SBNO2: variants seen among roughly 807,000 people sequenced by gnomAD.
The protein encoded by SBNO2 is strawberry notch homolog 2.
Under a neutral mutation model 146.3 loss-of-function variants are expected in SBNO2, and 89 were observed. The observed-to-expected ratio is 0.61, with a 90% CI of 0.51 to 0.73. The LOEUF (loss-of-function observed/expected upper bound fraction) is 0.73. Ranked by LOEUF, SBNO2 falls within the 30% of genes least tolerant of loss-of-function variation. SBNO2 has a pLI of 0.00. For synonymous variants in SBNO2, 1,147 were observed against 892.6 expected, an observed-to-expected ratio of 1.29 and a Z score of -5.08; for missense variants, 2,092 against 2,003.7, an observed-to-expected ratio of 1.04 and a Z score of -0.84.
intron 1 of SBNO2, among the ~76,000 whole-genome samples, chr19:1,166,521 G>A (rs1599886910): frequency 6.6e-6 from 1 of 152,036 alleles, no homozygotes; most frequent in Non-Finnish European, 1.5e-5. Flanking sequence ...GGGCCAGTGC[G>A]GTGGCCCGTG....
chr19:1,128,158 AAG>A (rs753209127), intron 4 of SBNO2: 35 of 473,634 alleles, frequency 7.4e-5, no homozygotes, highest in Non-Finnish European at 1.4e-4. Context: ...AAAAATAAAC[AAG>A]CAATGGGTGA....
intron 14 of SBNO2, among the ~76,000 whole-genome samples, chr19:1,118,068 G>A (rs1012363010): frequency 3.9e-5 from 6 of 152,258 alleles, no homozygotes; most frequent in Non-Finnish European, 8.8e-5. Context: ...GGGTGTGGTG[G>A]CTCACGCCTG....
rs1450768956 is a variant in SBNO2 at position 1,110,547 on chromosome 19, G to A, written c.3028+198C>T. ...CACCCACAATGCACGGTGTTCCCACGAGCCCCGAGCCCACCTGGGATGCCC... is the reference window on the plus strand; with the variant it reads ...CACCCACAATGCACGGTGTTCCCACAAGCCCCGAGCCCACCTGGGATGCCC... On this transcript the variant is annotated intron_variant, in intron 26 of 31. Transcript: ENST00000361757. The surrounding 1 kb of genome is among the most constrained non-coding windows in gnomAD (Gnocchi z 4.9). Among the ~76,000 whole-genome samples the A allele has an allele frequency of 2.9e-5, 4 of 137,026 alleles. No individual in the cohort carries two copies. Among genetic ancestry groups the A allele is most frequent in the Non-Finnish European group, 5.0e-5 (3 of 60,584 alleles). 89.9% of individuals were successfully genotyped at this position (137,026 alleles called of 152,430 possible). A position where few individuals can be genotyped will look rare whatever the true frequency, so the allele number is the denominator to read the frequency against.
At chr19:1,135,823 G>A (rs532102030) in intron 4 of SBNO2, among the ~76,000 whole-genome samples, 8 of 152,180 alleles carry the variant, frequency 5.3e-5, no homozygotes, top group South Asian at 4.1e-4. Context: ...CCAGGTGGTC[G>A]TGGGGCACAG....
At position 1,126,356 on chromosome 19, in the gene SBNO2, G is replaced by A. The variant is rs540877539; in HGVS notation, c.441+1248C>T. 2.6e-5 allele frequency among the ~76,000 whole-genome samples: 4 copies of A among 152,212 alleles called. No homozygotes were observed. In the East Asian group the frequency reaches 5.8e-4, roughly 22 times the overall value. ...AGTCACCATTCCCGGTGGGGCTGGC[G>A]GGCATTGGGTTTCAGATGCCCTCGT... On this transcript the variant is annotated intron_variant, in intron 5 of 31. Transcript: ENST00000361757. The surrounding 1 kb of genome is among the most constrained non-coding windows in gnomAD (Gnocchi z 4.4).
chr19:1,162,771 G>A (rs1006587728), intron 1 of SBNO2, among the ~76,000 whole-genome samples: 1 of 152,182 alleles, frequency 6.6e-6, no homozygotes, highest in Non-Finnish European at 1.5e-5. Flanking sequence ...GGAACCTGAC[G>A]CTGGTTTCCC....
In SBNO2 at chr19:1,112,254, G is replaced by C. The variant is rs777077360; in HGVS notation, c.2563C>G (p.Leu855Val). 1.3e-6 allele frequency: 2 copies of C among 1,593,472 alleles called. No individual in the cohort carries two copies. The highest frequency in any genetic ancestry group is 1.3e-5 in the African/African-American group (1 of 74,666). Residue 855 changes from leucine (L) to valine (V), a missense_variant, in exon 22 of 32, where the codon CTC becomes GTC. By Grantham distance (32) the Leu-to-Val change is conservative (BLOSUM62 1). Coordinates refer to ENST00000361757, the MANE Select transcript of SBNO2 (RefSeq NM_014963.3). The surrounding 1 kb of genome is among the most constrained non-coding windows in gnomAD (Gnocchi z 5.9). The part of the protein sequence containing the change: ...NQVSAPEYVF[L>V]ISELAGERRF... ...CGCTCCCCGGCCAGCTCCGAGATGA[G>C]GAAGACATACTCTGGCGCGGAGACC...
chr19:1,107,961 A>G lies in SBNO2; in HGVS notation c.*259T>C. On this transcript the variant is annotated 3_prime_UTR_variant, in exon 32 of 32. Coordinates refer to ENST00000361757, the MANE Select transcript of SBNO2 (RefSeq NM_014963.3). ...TGAGCCCTTGTGGGTGCCCAGTCCC[A>G]GAGCAGCCACCCGGAGCCCCTTCCT... 1 of 287,360 alleles carries G rather than the reference A, an allele frequency of 3.5e-6. No homozygotes were observed. Among genetic ancestry groups the G allele is most frequent in the Non-Finnish European group, 6.5e-6 (1 of 152,894 alleles). 17.8% of individuals were successfully genotyped at this position (287,360 alleles called of 1,614,324 possible).
At chr19:1,151,887 T>G (rs959824470) in intron 2 of SBNO2, among the ~76,000 whole-genome samples, 9 of 152,210 alleles carry the variant, frequency 5.9e-5, no homozygotes, top group Admixed American at 2.6e-4. Flanking sequence ...GGTCTCGAAC[T>G]CCTGACCCCA....
In SBNO2 at chr19:1,109,179, C is replaced by G; in HGVS notation, c.3381G>C (p.Glu1127Asp). Residue 1127 changes from glutamate to aspartate, a missense_variant, in exon 30 of 32, where the codon GAG becomes GAC. By Grantham distance (45) the Glu-to-Asp change is conservative. Transcript: ENST00000361757. This position sits in a 1 kb window ranked among gnomAD's most constrained non-coding sequence, Gnocchi z 4.2. ...VTAEEAKEPW[E>D]SGYALSLTHC... ...GCGTCAGCGACAAAGCGTAGCCACT[C>G]TCCCAGGGCTCCTTGGCCTCCTCCG... 6.4e-7 allele frequency: 1 copy of G among 1,561,154 alleles called. No individual in the cohort carries two copies. The highest frequency in any genetic ancestry group is 1.4e-5 in the African/African-American group (1 of 73,634).
intron 12 of SBNO2, 85 bp from the exon 13 acceptor site, chr19:1,119,706 C>T (rs908920566): frequency 1.3e-5 from 16 of 1,214,874 alleles, no homozygotes; most frequent in East Asian, 5.1e-5. Context: ...GACCACCCGA[C>T]GAGGGGCCCT....
chr19:1,125,358 CA>C (rs35572800), intron 5 of SBNO2, among the ~76,000 whole-genome samples: 107 of 53,154 alleles, frequency 2.0e-3, no homozygotes, highest in African/African-American at 3.7e-3. Context: ...GACTCCATCT[CA>C]AAAAAAAAAA....
Position 1,109,761 on chromosome 19 carries a change from G to T in SBNO2, c.3045C>A (p.Ile1015=), listed in dbSNP as rs769615540. 4 of 1,547,796 alleles carry T rather than the reference G, an allele frequency of 2.6e-6. No individual in the cohort carries two copies. The South Asian group carries it at 4.5e-5, about 17-fold the overall frequency. The change falls in exon 27 of 32, where the codon ATC becomes ATA. Residue 1015 remains isoleucine (I), a synonymous_variant. Transcript: ENST00000361757. This position sits in a 1 kb window ranked among gnomAD's most constrained non-coding sequence, Gnocchi z 4.2. ...DMGILDLAPG[I]EEIYEESQQV... ...GCTGGCTCTCCTCGTAGATCTCCTC[G>T]ATACCGGGAGCAAGGTCTAGGGGGG...
chr19:1,153,531 GC>G, intron 2 of SBNO2, among the ~76,000 whole-genome samples: 1 of 151,564 alleles, frequency 6.6e-6, no homozygotes, highest in Non-Finnish European at 1.5e-5. Context: ...GAGCCACCGT[GC>G]CAGGCCTATT....
In SBNO2 at chr19:1,109,634, T is replaced by TGGGGG; in HGVS notation, c.3124-41_3124-37dup. 2.1e-6 allele frequency: 1 copy of TGGGGG among 472,314 alleles called. No homozygotes were observed. Among genetic ancestry groups the TGGGGG allele is most frequent in the Admixed American group, 3.4e-5 (1 of 29,420 alleles). 29.3% of individuals were successfully genotyped at this position (472,314 alleles called of 1,614,324 possible). ...ACGGGGTGGGGGGGTGTGAGTGTGGTGGGGGCGGGGTGGGCAGAGTGTGAG... is the reference window on the plus strand; with the variant it reads ...ACGGGGTGGGGGGGTGTGAGTGTGGTGGGGGGGGGGCGGGGTGGGCAGAGTGTGAG... On this transcript the variant is annotated intron_variant, in intron 27 of 31. Transcript: ENST00000361757. The surrounding 1 kb of genome is among the most constrained non-coding windows in gnomAD (Gnocchi z 4.2).
At chr19:1,170,828 CACGGGT>C (rs1489209206) in intron 1 of SBNO2, among the ~76,000 whole-genome samples, 1 of 152,030 alleles carries the variant, frequency 6.6e-6, no homozygotes, top group Admixed American at 6.6e-5. Context: ...TTTGCATGAG[CACGGGT>C]GCAAAGGTCA....
At chr19:1,119,719 G>A (rs1568571810) in intron 12 of SBNO2, 98 bp from the exon 13 acceptor site, 17 of 1,133,826 alleles carry the variant, frequency 1.5e-5, no homozygotes, top group South Asian at 4.1e-5. Flanking sequence ...GGGGCCCTGC[G>A]GGGTTGGAGC....
Position 1,109,727 on chromosome 19 carries a change from G to A in SBNO2, c.3079C>T (p.Leu1027=), listed in dbSNP as rs756506275. Reference sequence around the variant, plus strand: ...CCGTCCTGCGGGTGCCCGGGAGCCAGGAACACCTGCTGGCTCTCCTCGTAG... The same window carrying A: ...CCGTCCTGCGGGTGCCCGGGAGCCAAGAACACCTGCTGGCTCTCCTCGTAG... The part of the protein sequence containing the change: ...EIYEESQQVF[L]APGHPQDGQV... The change falls in exon 27 of 32, where the codon CTG becomes TTG. Residue 1027 remains leucine, a synonymous_variant. Transcript: ENST00000361757. This position sits in a 1 kb window ranked among gnomAD's most constrained non-coding sequence, Gnocchi z 4.2. 2 of 1,607,672 alleles carry A rather than the reference G, an allele frequency of 1.2e-6. No homozygotes were observed. Among genetic ancestry groups the A allele is most frequent in the South Asian group, 1.1e-5 (1 of 90,650 alleles).
rs377278936 is a variant in SBNO2 at position 1,120,353 on chromosome 19, T to C, written c.1150-330A>G. Among the ~76,000 whole-genome samples the C allele has an allele frequency of 1.1e-3, 160 of 152,284 alleles. 1 individual carries two copies. The highest frequency in any genetic ancestry group is 3.6e-3 in the African/African-American group (150 of 41,566). ...GACGTTGCCATCGGAGGAGGATACCTGGAACCTGTTTTCTTTTTTGTTTGT... is the reference window on the plus strand; with the variant it reads ...GACGTTGCCATCGGAGGAGGATACCCGGAACCTGTTTTCTTTTTTGTTTGT... On this transcript the variant is annotated intron_variant, in intron 11 of 31. Coordinates refer to ENST00000361757, the MANE Select transcript of SBNO2 (RefSeq NM_014963.3).
Sources: allele counts gnomAD v4.1 joint callset (sites outside exome capture counted in the v4.1 genomes callset), GRCh38; gene constraint gnomAD v4.1.1; non-coding constraint Gnocchi (gnomAD v3.1); transcripts MANE v1.5; gene names NCBI Gene and HGNC (gene_info 2026-07-23, HGNC 2026-07-21).